Variants in PMS1 observed in about 807,000 individuals in gnomAD.
PMS1 encodes the protein PMS1 homolog 1, mismatch repair system component.
In PMS1, 79 loss-of-function variants were observed where a neutral mutation model predicts 93.1. That is an observed-to-expected ratio of 0.85 (90% CI 0.71 to 1.02). PMS1 has a LOEUF of 1.02. PMS1 is among the 50% of genes least tolerant of loss of function. The pLI is 0.00. For synonymous variants in PMS1, 335 were observed against 363.4 expected (o/e 0.92, Z 0.89); for missense variants, 1,064 against 1,085.3 (o/e 0.98, Z 0.28).
chr2:189,865,324 TTGTC>T (rs2056557973), intron 10 of PMS1, among the ~76,000 whole-genome samples: 1 of 152,220 alleles, frequency 6.6e-6, no homozygotes, highest in African/African-American at 2.4e-5. Context: ...GAATGTTCTG[TTGTC>T]TGTATTTGCT....
intron 5 of PMS1, among the ~76,000 whole-genome samples, chr2:189,833,401 G>A (rs976247978): frequency 1.3e-5 from 2 of 152,132 alleles, no homozygotes; most frequent in Non-Finnish European, 2.9e-5. Flanking sequence ...GGCCAACATG[G>A]TGAAACCCCG....
chr2:189,873,447 T>C (rs770485196), intron 11 of PMS1, 49 bp from the exon 12 acceptor site: 1 of 1,322,196 alleles, frequency 7.6e-7, no homozygotes, highest in East Asian at 2.3e-5. Flanking sequence ...TTAATGGACA[T>C]GTTCTGGAAT....
intron 4 of PMS1, chr2:189,807,082 A>T (rs1472778201): frequency 5.6e-6 from 1 of 177,142 alleles, no homozygotes; most frequent in Non-Finnish European, 1.2e-5. Context: ...TCATGTATAA[A>T]ATATAAATTT....
intron 4 of PMS1, among the ~76,000 whole-genome samples, chr2:189,814,767 C>T (rs2051131474): frequency 1.3e-5 from 2 of 152,006 alleles, no homozygotes; most frequent in African/African-American, 2.4e-5. Flanking sequence ...GAAGCAGCAG[C>T]CTTGGATAGG....
chr2:189,860,472 AG>A (rs1452866407), intron 9 of PMS1, among the ~76,000 whole-genome samples: 1 of 152,146 alleles, frequency 6.6e-6, no homozygotes, highest in African/African-American at 2.4e-5. Context: ...TTGTTTAATC[AG>A]TCTCCAGTTG....
At chr2:189,864,695 T>A (rs1032328296) in intron 10 of PMS1, among the ~76,000 whole-genome samples, 910 of 11,032 alleles carry the variant, frequency 0.082, 34 homozygotes, top group Non-Finnish European at 0.09. Context: ...AAAATATATA[T>A]ATATATATAT....
At chr2:189,799,807 T>A (rs1350317829) in intron 3 of PMS1, among the ~76,000 whole-genome samples, 1 of 151,930 alleles carries the variant, frequency 6.6e-6, no homozygotes, top group Admixed American at 6.5e-5. Flanking sequence ...GCAACCTGCA[T>A]CCAATGAATC....
intron 11 of PMS1, among the ~76,000 whole-genome samples, chr2:189,868,589 C>T (rs1335625740): frequency 1.3e-5 from 2 of 152,166 alleles, no homozygotes; most frequent in Non-Finnish European, 2.9e-5. Context: ...CAGAGAGGTA[C>T]ATTGGAACCA....
chr2:189,852,997 A>G (rs770246598), intron 7 of PMS1, among the ~76,000 whole-genome samples: 1 of 152,160 alleles, frequency 6.6e-6, no homozygotes, highest in Non-Finnish European at 1.5e-5. Flanking sequence ...CAAATGTTCA[A>G]TGTTTCTCTT....
At chr2:189,824,104 G>A (rs1202682935) in intron 5 of PMS1, among the ~76,000 whole-genome samples, 8 of 152,154 alleles carry the variant, frequency 5.3e-5, no homozygotes, top group African/African-American at 1.4e-4. Context: ...ACACCTAAGA[G>A]CAATTATGGT....
At chr2:189,823,084 T>A (rs2052088036) in intron 5 of PMS1, among the ~76,000 whole-genome samples, 1 of 151,988 alleles carries the variant, frequency 6.6e-6, no homozygotes, top group East Asian at 1.9e-4. Flanking sequence ...TTTCTTTTTT[T>A]ATTTTATTTT....
chr2:189,813,972 T>A (rs1449420625), intron 4 of PMS1, among the ~76,000 whole-genome samples: 1 of 152,204 alleles, frequency 6.6e-6, no homozygotes, highest in Admixed American at 6.5e-5. Context: ...GAACAAAGAA[T>A]GAAGTGAGGT....
At chr2:189,797,868 T>A (rs2049500580) in intron 3 of PMS1, among the ~76,000 whole-genome samples, 1 of 152,226 alleles carries the variant, frequency 6.6e-6, no homozygotes, top group South Asian at 2.1e-4. Context: ...TTTCTCCATT[T>A]TTTGTGGCTA....
At chr2:189,844,345 A>G (rs5743113) in intron 6 of PMS1, among the ~76,000 whole-genome samples, 1,673 of 152,210 alleles carry the variant, frequency 0.011, 33 homozygotes, top group African/African-American at 0.038. Flanking sequence ...ACTTTCTACT[A>G]TAAAAGAAAA....
intron 6 of PMS1, among the ~76,000 whole-genome samples, chr2:189,848,233 C>T (rs1437541760): frequency 6.6e-6 from 1 of 152,156 alleles, no homozygotes; most frequent in East Asian, 1.9e-4. Context: ...ATACCTTTAC[C>T]ATCATGCCCT....
intron 5 of PMS1, among the ~76,000 whole-genome samples, chr2:189,839,717 G>T (rs1290359055): frequency 6.6e-6 from 1 of 152,128 alleles, no homozygotes; most frequent in Admixed American, 6.6e-5. Context: ...ATTATTTTAA[G>T]ATTTTGCTTT....
chr2:189,866,446 T>C (rs1392180947), intron 10 of PMS1, among the ~76,000 whole-genome samples: 2 of 152,148 alleles, frequency 1.3e-5, no homozygotes, highest in African/African-American at 4.8e-5. Flanking sequence ...GGCATCCCCA[T>C]CACAGTTAAT....
chr2:189,856,317 T>G (rs1449168164), intron 9 of PMS1, among the ~76,000 whole-genome samples: 1 of 152,080 alleles, frequency 6.6e-6, no homozygotes, highest in Non-Finnish European at 1.5e-5. Flanking sequence ...TTCACTTTCT[T>G]TCCCTTTGTT....
chr2:189,863,798 G>A lies in PMS1; in HGVS notation c.1912G>A (p.Ala638Thr), dbSNP rs750934823. ...ACGATACAATAGTCAAATGAAGAGA[G>A]CCATTGAACAGGAGTCACAAATGTC... The part of the protein sequence containing the change: ...LERYNSQMKR[A>T]IEQESQMSLK... Residue 638 changes from alanine (A) to threonine (T), a missense_variant, in exon 10 of 13, where the codon GCC becomes ACC. Coordinates refer to ENST00000441310, the MANE Select transcript of PMS1 (RefSeq NM_000534.5). 3.7e-6 allele frequency: 6 copies of A among 1,611,468 alleles called. No homozygotes were observed. The highest frequency in any genetic ancestry group is 5.1e-6 in the Non-Finnish European group (6 of 1,177,620).
Sources: gnomAD v4.1 joint callset for allele counts (sites outside exome capture counted in the v4.1 genomes callset) on GRCh38, gnomAD v4.1.1 for gene constraint, MANE v1.5 for transcripts, NCBI Gene and HGNC (gene_info 2026-07-23, HGNC 2026-07-21) for gene names.